Variants in CADM2 observed in about 807,000 individuals in gnomAD.
CADM2 encodes cell adhesion molecule 2.
In CADM2, 12 loss-of-function variants were observed where a neutral mutation model predicts 49.8. That is an observed-to-expected ratio of 0.24 (90% CI 0.15 to 0.39). The LOEUF (loss-of-function observed/expected upper bound fraction) is 0.39, where lower values mean the gene tolerates loss of function less well. Ranked by LOEUF, CADM2 falls within the 10% of genes least tolerant of loss-of-function variation. The pLI is 1.00. For synonymous variants in CADM2, 214 were observed against 175.4 expected, an observed-to-expected ratio of 1.22 and a Z score of -1.74; for missense variants, 378 against 492.3, an observed-to-expected ratio of 0.77 and a Z score of 2.20.
At chr3:84,988,523 C>T (rs888345080) in intron 1 of CADM2, among the ~76,000 whole-genome samples, 3 of 152,196 alleles carry the variant, frequency 2.0e-5, no homozygotes, top group African/African-American at 4.8e-5. Flanking sequence ...CTCTCAATAA[C>T]TTTAGCTCTC....
chr3:85,995,708 T>C (rs1178143775), intron 8 of CADM2, among the ~76,000 whole-genome samples: 1 of 152,228 alleles, frequency 6.6e-6, no homozygotes, highest in Admixed American at 6.5e-5. Flanking sequence ...TTCTTTTTTA[T>C]ATAGAAAGTC....
chr3:85,075,993 T>G (rs769555581), intron 1 of CADM2, among the ~76,000 whole-genome samples: 1 of 152,054 alleles, frequency 6.6e-6, no homozygotes, highest in Admixed American at 6.6e-5. Context: ...GAAAAGCATA[T>G]TGTTCAATTA....
In CADM2 at chr3:85,786,222, A is replaced by G. The variant is rs145120573; in HGVS notation, c.89-15825A>G. On this transcript the variant is annotated intron_variant, in intron 2 of 9. Transcript: ENST00000383699. The stretch of plus-strand genomic sequence containing the variant: ...TAATTTAAATTAAAAACACTTCATT[A>G]TAATTTTCTAATGAACAGATTAAAA... 3.1e-3 allele frequency among the ~76,000 whole-genome samples: 478 copies of G among 152,292 alleles called. 1 individual carries two copies. The highest frequency in any genetic ancestry group is 0.011 in the African/African-American group (459 of 41,576).
At chr3:85,646,860 A>G (rs1253297869) in intron 1 of CADM2, among the ~76,000 whole-genome samples, 7 of 151,964 alleles carry the variant, frequency 4.6e-5, no homozygotes, top group Admixed American at 2.6e-4. Context: ...TCACTAATTA[A>G]CACAGGGCAA....
At chr3:86,018,921 C>T (rs1233855935) in intron 8 of CADM2, among the ~76,000 whole-genome samples, 1 of 148,052 alleles carries the variant, frequency 6.8e-6, no homozygotes. Context: ...GTTGCCATTG[C>T]TTTTGGTGTT....
chr3:85,315,964 G>A (rs897117347), intron 1 of CADM2, among the ~76,000 whole-genome samples: 1 of 152,024 alleles, frequency 6.6e-6, no homozygotes, highest in Non-Finnish European at 1.5e-5. Flanking sequence ...ACATTTAAAA[G>A]AAAGAAGTAG....
chr3:85,951,496 G>A (rs1204868352), intron 7 of CADM2, among the ~76,000 whole-genome samples: 1 of 150,924 alleles, frequency 6.6e-6, no homozygotes, highest in Non-Finnish European at 1.5e-5. Flanking sequence ...TAACAAATGA[G>A]GGTACTAACT....
At chr3:85,363,349 GA>G (rs755068280) in intron 1 of CADM2, among the ~76,000 whole-genome samples, 4 of 152,034 alleles carry the variant, frequency 2.6e-5, no homozygotes, top group Non-Finnish European at 4.4e-5. Context: ...CAAGTCCATG[GA>G]AACAAAATAT....
intron 1 of CADM2, among the ~76,000 whole-genome samples, chr3:85,459,822 A>G (rs539973822): frequency 6.6e-6 from 1 of 152,354 alleles, no homozygotes; most frequent in Admixed American, 6.5e-5. Context: ...TGTGGATGCC[A>G]TTCACACATA....
intron 1 of CADM2, among the ~76,000 whole-genome samples, chr3:85,544,683 G>A (rs1339024759): frequency 6.6e-6 from 1 of 152,132 alleles, no homozygotes; most frequent in Non-Finnish European, 1.5e-5. Flanking sequence ...AAGATGCAAC[G>A]AAATAAACCA....
intron 1 of CADM2, among the ~76,000 whole-genome samples, chr3:85,024,722 T>A (rs1235222922): frequency 6.6e-6 from 1 of 151,796 alleles, no homozygotes; most frequent in African/African-American, 2.4e-5. Context: ...CGTTAATTAA[T>A]TTATCCATTA....
At chr3:85,247,902 A>G (rs1466122152) in intron 1 of CADM2, among the ~76,000 whole-genome samples, 1 of 152,026 alleles carries the variant, frequency 6.6e-6, no homozygotes, top group Non-Finnish European at 1.5e-5. Context: ...TAAAACAGAT[A>G]TAAGATTGTT....
chr3:86,000,830 T>A (rs529017474), intron 8 of CADM2, among the ~76,000 whole-genome samples: 94 of 152,176 alleles, frequency 6.2e-4, no homozygotes, highest in African/African-American at 2.1e-3. Context: ...AGAATTTGAG[T>A]TTTTATCCTA....
chr3:86,042,300 T>A, intron 8 of CADM2, among the ~76,000 whole-genome samples: 1 of 152,058 alleles, frequency 6.6e-6, no homozygotes, highest in Non-Finnish European at 1.5e-5. Context: ...GCTGGTTTTT[T>A]GAAAAGATCA....
intron 3 of CADM2, among the ~76,000 whole-genome samples, chr3:85,869,789 G>T (rs965548139): frequency 2.0e-5 from 3 of 152,046 alleles, no homozygotes; most frequent in African/African-American, 7.2e-5. Flanking sequence ...CTCCCAAGTA[G>T]CTGGGACTAC....
chr3:85,954,616 G>A (rs906732506), intron 7 of CADM2, among the ~76,000 whole-genome samples: 4 of 151,034 alleles, frequency 2.6e-5, no homozygotes, highest in East Asian at 3.9e-4. Flanking sequence ...TTTGGGCTTC[G>A]TTTAGAGATG....
At chr3:85,719,326 T>C (rs1461349622) in intron 1 of CADM2, among the ~76,000 whole-genome samples, 3 of 152,162 alleles carry the variant, frequency 2.0e-5, no homozygotes, top group Non-Finnish European at 4.4e-5. Flanking sequence ...GTTCAGAAAT[T>C]GTAATACAGT....
intron 1 of CADM2, among the ~76,000 whole-genome samples, chr3:84,978,424 G>A (rs1238108078): frequency 2.0e-5 from 3 of 152,048 alleles, no homozygotes; most frequent in East Asian, 3.9e-4. Flanking sequence ...AAATTAACAC[G>A]TGTATTTAAA....
intron 8 of CADM2, among the ~76,000 whole-genome samples, chr3:86,009,403 G>C (rs1336554338): frequency 1.3e-5 from 2 of 151,254 alleles, no homozygotes; most frequent in Non-Finnish European, 3.0e-5. Context: ...GGAAGGCTTT[G>C]GAAAATTTAT....
Sources: gnomAD v4.1 joint callset for allele counts (sites outside exome capture counted in the v4.1 genomes callset) on GRCh38, gnomAD v4.1.1 for gene constraint, MANE v1.5 for transcripts, NCBI Gene and HGNC (gene_info 2026-07-23, HGNC 2026-07-21) for gene names.